SLC37A2: variants seen among roughly 807,000 people sequenced by gnomAD.
SLC37A2 encodes glucose-6-phosphate exchanger SLC37A2.
A neutral mutation model predicts 70.7 loss-of-function variants in SLC37A2; 59 were observed. The ratio of observed to expected loss-of-function variants is 0.83; its 90% CI spans 0.68 to 1.04. The LOEUF is 1.04. Among genes scored for constraint, SLC37A2 ranks in the 50% least tolerant of loss-of-function variants. The pLI is 0.00. For missense variants in SLC37A2, 580 were observed against 658.1 expected (o/e 0.88, Z 1.30); for synonymous variants, 257 against 262.1 (o/e 0.98, Z 0.19).
chr11:125,080,853 C>T lies in SLC37A2; in HGVS notation c.694+73C>T. 1 of 1,291,098 alleles carries T rather than the reference C, an allele frequency of 7.7e-7. No individual in the cohort carries two copies. The highest frequency in any genetic ancestry group is 2.6e-5 in the South Asian group (1 of 38,104). 80.0% of individuals were successfully genotyped at this position (1,291,098 alleles called of 1,614,324 possible). A position where few individuals can be genotyped will look rare whatever the true frequency, so the allele number is the denominator to read the frequency against. On this transcript the variant is annotated intron_variant, in intron 7 of 17. Transcript: ENST00000403796. The surrounding 1 kb of genome is among the most constrained non-coding windows in gnomAD (Gnocchi z 4.3). ...TTCTGGGAGAAGGCAGCTGGATCTACTGGAAAGATTGCTGGTCACAGAGTG... is the reference window on the plus strand; with the variant it reads ...TTCTGGGAGAAGGCAGCTGGATCTATTGGAAAGATTGCTGGTCACAGAGTG...
intron 1 of SLC37A2, among the ~76,000 whole-genome samples, chr11:125,071,747 T>G (rs1949030909): frequency 6.6e-6 from 1 of 151,956 alleles, no homozygotes; most frequent in Non-Finnish European, 1.5e-5. Context: ...TTGTCCTGTC[T>G]TGTGTGCTAA....
At chr11:125,076,643 T>C (rs1949090045) in intron 1 of SLC37A2, 114 bp from the exon 2 acceptor site, 1 of 925,554 alleles carries the variant, frequency 1.1e-6, no homozygotes, top group African/African-American at 1.6e-5. Context: ...AAGGAAAGAG[T>C]TGGTGGTCCT....
chr11:125,086,283 T>C, intron 17 of SLC37A2: 7 of 1,556,778 alleles, frequency 4.5e-6, no homozygotes, highest in Non-Finnish European at 6.2e-6. Context: ...TTCGAGTCTG[T>C]GACTCGAGTG....
chr11:125,079,750 G>T lies in SLC37A2; in HGVS notation c.517G>T (p.Gly173Trp). ...GGTGACCTGTGTTGGCAACTGGTTC[G>T]GGAAGGGGAAGTGAGTGTAACAAGG... ...SVVTCVGNWFGKGKRGFIMGI... is the reference protein window; with the variant it reads ...SVVTCVGNWFWKGKRGFIMGI... Residue 173 changes from glycine to tryptophan, a missense_variant, in exon 6 of 18, where the codon GGG becomes TGG. Transcript: ENST00000403796. 1 of 1,609,244 alleles carries T rather than the reference G, an allele frequency of 6.2e-7. No individual in the cohort carries two copies. Among genetic ancestry groups the T allele is most frequent in the Non-Finnish European group, 8.5e-7 (1 of 1,177,610 alleles).
At position 125,083,969 on chromosome 11, in the gene SLC37A2, T is replaced by C; in HGVS notation, c.1039+92T>C. 2 of 1,287,920 alleles carry C rather than the reference T, an allele frequency of 1.6e-6. No homozygotes were observed. The highest frequency in any genetic ancestry group is 2.2e-6 in the Non-Finnish European group (2 of 894,408). The allele number at this position is 1,287,920 out of a possible 1,614,324, so 79.8% of individuals were successfully genotyped here. A position where few individuals can be genotyped will look rare whatever the true frequency, so the allele number is the denominator to read the frequency against. On this transcript the variant is annotated intron_variant, in intron 11 of 17. Coordinates refer to ENST00000403796, the MANE Select transcript of SLC37A2 (RefSeq NM_001145290.2). The surrounding 1 kb of genome is among the most constrained non-coding windows in gnomAD (Gnocchi z 4.6). ...GGGACAGGTCCGATGGGCTATGACC[T>C]GGGTAGGTGGCACCAGAGGAAAAAT...
intron 1 of SLC37A2, among the ~76,000 whole-genome samples, chr11:125,074,800 TAGC>T (rs1048208095): frequency 1.3e-5 from 2 of 152,154 alleles, no homozygotes; most frequent in Non-Finnish European, 2.9e-5. Flanking sequence ...AGAACAGTCA[TAGC>T]TGGGGCCCCA....
At chr11:125,088,028 C>T in intron 17 of SLC37A2, 91 bp from the exon 18 acceptor site, 1 of 1,408,122 alleles carries the variant, frequency 7.1e-7, no homozygotes, top group Non-Finnish European at 9.8e-7. Context: ...GATGAAGGGA[C>T]CCTGGGACCC....
intron 1 of SLC37A2, among the ~76,000 whole-genome samples, chr11:125,072,195 G>A (rs576387756): frequency 6.6e-6 from 1 of 152,108 alleles, no homozygotes; most frequent in Non-Finnish European, 1.5e-5. Context: ...ACTGCTTTGG[G>A]ACATGCCATT....
intron 1 of SLC37A2, among the ~76,000 whole-genome samples, chr11:125,066,182 T>TA (rs1294795335): frequency 6.6e-6 from 1 of 152,238 alleles, no homozygotes; most frequent in Non-Finnish European, 1.5e-5. Flanking sequence ...ATCAGAAACT[T>TA]ATATCCAAGA....
At position 125,081,458 on chromosome 11, in the gene SLC37A2, C is replaced by A. The variant is rs780006466; in HGVS notation, c.732C>A (p.His244Gln). 1.2e-6 allele frequency: 2 copies of A among 1,609,952 alleles called. No homozygotes were observed. Among genetic ancestry groups the A allele is most frequent in the South Asian group, 2.2e-5 (2 of 90,402 alleles). Residue 244 changes from histidine (H) to glutamine (Q), a missense_variant and splice_region_variant, in exon 8 of 18, where the codon CAC (histidine) becomes CAA (glutamine). His to Gln is a conservative substitution (Grantham distance 24). Transcript: ENST00000403796. ...EDVDCAPPQH[H>Q]GEPAENQDNP... Reference sequence around the variant, plus strand: ...TGGACTGCGCCCCTCCTCAGCACCACGTGAGTGTGAGCCCTCCCAGCCCTA... The same window carrying A: ...TGGACTGCGCCCCTCCTCAGCACCAAGTGAGTGTGAGCCCTCCCAGCCCTA...
Position 125,079,165 on chromosome 11 carries a change from T to A in SLC37A2, c.368T>A (p.Leu123Gln). Residue 123 changes from leucine (L) to glutamine (Q), a missense_variant, in exon 5 of 18, where the codon CTG (leucine) becomes CAG (glutamine). Coordinates refer to ENST00000403796, the MANE Select transcript of SLC37A2 (RefSeq NM_001145290.2). ...PLRYYLSAGM[L>Q]LSGLFTSLFG... ...CGTTACTACCTCTCAGCTGGAATGC[T>A]GCTCAGTGGCCTTTTCACCTCGCTC... 1 of 1,614,248 alleles carries A rather than the reference T, an allele frequency of 6.2e-7. No homozygotes were observed. The highest frequency in any genetic ancestry group is 8.5e-7 in the Non-Finnish European group (1 of 1,180,030).
intron 1 of SLC37A2, among the ~76,000 whole-genome samples, chr11:125,065,037 A>G (rs1234805286): frequency 1.3e-5 from 2 of 152,242 alleles, no homozygotes; most frequent in Non-Finnish European, 2.9e-5. Flanking sequence ...TTGGTCTTCT[A>G]CAGGTTGTGA....
At chr11:125,076,001 G>T in intron 1 of SLC37A2, among the ~76,000 whole-genome samples, 1 of 152,150 alleles carries the variant, frequency 6.6e-6, no homozygotes, top group African/African-American at 2.4e-5. Flanking sequence ...GACTCAGCAG[G>T]GCTCTGGGGC....
Position 125,081,270 on chromosome 11 carries a change from G to T in SLC37A2, c.695-151G>T, listed in dbSNP as rs1949143758. The T allele has an allele frequency of 1.2e-5, 9 of 738,016 alleles. No individual in the cohort carries two copies. In the South Asian group the frequency reaches 1.6e-4, roughly 13 times the overall value. 45.7% of individuals were successfully genotyped at this position (738,016 alleles called of 1,614,324 possible). A position where few individuals can be genotyped will look rare whatever the true frequency, so the allele number is the denominator to read the frequency against. ...TGAGCCCCAGGCCCCGCTCCCTCCT[G>T]CTGGGACACACACTGGCCACCTTAG... is the stretch of plus-strand genomic sequence containing the variant. On this transcript the variant is annotated intron_variant, in intron 7 of 17. Transcript: ENST00000403796.
intron 2 of SLC37A2, among the ~76,000 whole-genome samples, 170 bp from the exon 3 acceptor site, chr11:125,077,060 A>G (rs570727763): frequency 6.6e-6 from 1 of 152,254 alleles, no homozygotes; most frequent in South Asian, 2.1e-4. Flanking sequence ...GATGCTGCTC[A>G]TGGGTCTGAT....
chr11:125,067,315 T>C (rs1948991510), intron 1 of SLC37A2, among the ~76,000 whole-genome samples: 1 of 152,122 alleles, frequency 6.6e-6, no homozygotes, highest in South Asian at 2.1e-4. Context: ...TAAATAATAA[T>C]TGAAATCGTG....
At chr11:125,084,185 T>C (rs1402194038) in intron 11 of SLC37A2, 49 bp from the exon 12 acceptor site, 1 of 1,603,782 alleles carries the variant, frequency 6.2e-7, no homozygotes, top group Non-Finnish European at 8.5e-7. Context: ...GGCGAGGGGA[T>C]GGCAGGGTCC....
At position 125,085,938 on chromosome 11, in the gene SLC37A2, G is replaced by A. The variant is rs979704569; in HGVS notation, c.1426-16G>A. ...TAACAGTGCCCTCCCTTCCCTCTGT[G>A]CCTTGTGCTCCACAGCTCCTTTGCC... On this transcript the variant is annotated splice_polypyrimidine_tract_variant and intron_variant, in intron 16 of 17. Transcript: ENST00000403796. The A allele has an allele frequency of 2.6e-5, 42 of 1,613,212 alleles. No individual in the cohort carries two copies. The highest frequency in any genetic ancestry group is 3.4e-5 in the Non-Finnish European group (40 of 1,179,292).
At chr11:125,087,993 TAC>T in intron 17 of SLC37A2, 124 bp from the exon 18 acceptor site, 1 of 1,043,086 alleles carries the variant, frequency 9.6e-7, no homozygotes, top group South Asian at 1.4e-5. Flanking sequence ...GAGGCCTCAT[TAC>T]AGAGAACTGA....
Sources: gnomAD v4.1 joint callset for allele counts (sites outside exome capture counted in the v4.1 genomes callset) on GRCh38, gnomAD v4.1.1 for gene constraint, Gnocchi (gnomAD v3.1) non-coding constraint, MANE v1.5 for transcripts, NCBI Gene and HGNC (gene_info 2026-07-23, HGNC 2026-07-21) for gene names.